Variants in ITPR2 observed in about 807,000 individuals in gnomAD.
ITPR2 encodes the protein inositol 1,4,5-trisphosphate-gated calcium channel ITPR2.
ITPR2 carries 207 observed loss-of-function variants against 317.1 expected under a neutral mutation model. The observed-to-expected ratio is 0.65, with a 90% CI of 0.58 to 0.73. The LOEUF (loss-of-function observed/expected upper bound fraction) is 0.73, where lower values mean the gene tolerates loss of function less well. Among genes scored for constraint, ITPR2 ranks in the 30% least tolerant of loss-of-function variants. The pLI is 0.00. For missense variants in ITPR2, 2,613 were observed against 3,284.0 expected, an observed-to-expected ratio of 0.80 and a Z score of 4.99; for synonymous variants, 1,156 against 1,149.1, an observed-to-expected ratio of 1.01 and a Z score of -0.12.
chr12:26,831,033 T>C lies in ITPR2; in HGVS notation c.92+1657A>G, dbSNP rs1951092644. Among the ~76,000 whole-genome samples the C allele has an allele frequency of 6.6e-6, 1 of 152,198 alleles. No homozygotes were observed. Among genetic ancestry groups the C allele is most frequent in the African/African-American group, 2.4e-5 (1 of 41,446 alleles). On this transcript the variant is annotated intron_variant, in intron 1 of 56. Coordinates refer to ENST00000381340, the MANE Select transcript of ITPR2 (RefSeq NM_002223.4). This position sits in a 1 kb window ranked among gnomAD's most constrained non-coding sequence, Gnocchi z 4.9. ...GCCAGAATTCAAACCCCAAGTATTC[T>C]GTCCATGGAACCCCCTCTGCTTAAC...
At chr12:26,395,404 C>T (rs753720195) in intron 54 of ITPR2, among the ~76,000 whole-genome samples, 7 of 151,988 alleles carry the variant, frequency 4.6e-5, no homozygotes, top group African/African-American at 1.7e-4. Context: ...GAATTCTGAC[C>T]GAGAAGGGAA....
intron 43 of ITPR2, among the ~76,000 whole-genome samples, chr12:26,480,572 T>C (rs1565550555): frequency 6.6e-6 from 1 of 152,192 alleles, no homozygotes; most frequent in Admixed American, 6.5e-5. Flanking sequence ...CCGGGCACGA[T>C]GGCTCACACT....
chr12:26,810,239 T>A (rs945342018), intron 1 of ITPR2, among the ~76,000 whole-genome samples: 4 of 152,238 alleles, frequency 2.6e-5, no homozygotes, highest in African/African-American at 9.6e-5. Flanking sequence ...AGTTTTCTTA[T>A]AAAGTAATTT....
At chr12:26,411,195 T>A (rs1193557838) in intron 52 of ITPR2, 125 bp downstream of exon 52, 2 of 643,722 alleles carry the variant, frequency 3.1e-6, no homozygotes, top group African/African-American at 1.8e-5. Context: ...GTTCTTTTAC[T>A]CTCTATTCTT....
At chr12:26,613,770 G>A (rs963226162) in intron 26 of ITPR2, among the ~76,000 whole-genome samples, 4 of 152,088 alleles carry the variant, frequency 2.6e-5, no homozygotes, top group South Asian at 4.2e-4. Flanking sequence ...GCAAAAGAGG[G>A]GAAAAAATTC....
intron 21 of ITPR2, among the ~76,000 whole-genome samples, chr12:26,633,791 C>T (rs907150768): frequency 5.3e-5 from 8 of 152,316 alleles, no homozygotes; most frequent in East Asian, 1.9e-4. Context: ...AGTATGTATA[C>T]GTGTTTGCCT....
At chr12:26,518,722 T>A (rs76836091) in intron 37 of ITPR2, among the ~76,000 whole-genome samples, 2 of 152,214 alleles carry the variant, frequency 1.3e-5, no homozygotes, top group East Asian at 3.9e-4. Flanking sequence ...ACAGAACTAA[T>A]TTTTAAATTT....
intron 2 of ITPR2, among the ~76,000 whole-genome samples, chr12:26,728,333 G>A (rs1948968862): frequency 6.6e-6 from 1 of 152,168 alleles, no homozygotes; most frequent in African/African-American, 2.4e-5. Flanking sequence ...AGGGGTAAGT[G>A]AAAATAGCCA....
At chr12:26,476,305 G>C (rs1942415681) in intron 44 of ITPR2, among the ~76,000 whole-genome samples, 1 of 152,138 alleles carries the variant, frequency 6.6e-6, no homozygotes, top group South Asian at 2.1e-4. Context: ...TATTATGTGA[G>C]TACATTCTCA....
intron 9 of ITPR2, among the ~76,000 whole-genome samples, chr12:26,702,410 G>T (rs1193165457): frequency 8.0e-6 from 1 of 125,214 alleles, no homozygotes; most frequent in South Asian, 2.8e-4. Context: ...GGCGGGGGTG[G>T]GGGGTTGGTG....
intron 39 of ITPR2, among the ~76,000 whole-genome samples, chr12:26,491,927 C>T (rs911534736): frequency 6.6e-6 from 1 of 152,168 alleles, no homozygotes; most frequent in East Asian, 1.9e-4. Flanking sequence ...TGGAAGACAG[C>T]TGGATACATA....
At chr12:26,396,622 A>G (rs888078225) in intron 54 of ITPR2, among the ~76,000 whole-genome samples, 7 of 151,930 alleles carry the variant, frequency 4.6e-5, no homozygotes, top group African/African-American at 1.7e-4. Flanking sequence ...TCACTCGGAC[A>G]CCCTCCTCCA....
intron 10 of ITPR2, among the ~76,000 whole-genome samples, chr12:26,688,152 C>T (rs768479317): frequency 2.0e-5 from 3 of 152,092 alleles, no homozygotes; most frequent in South Asian, 4.2e-4. Flanking sequence ...CCTCCCACCT[C>T]GGCCTCCTGG....
intron 45 of ITPR2, among the ~76,000 whole-genome samples, chr12:26,446,314 C>T (rs1157300504): frequency 1.3e-5 from 2 of 151,948 alleles, no homozygotes; most frequent in African/African-American, 2.4e-5. Context: ...TGGGTATACG[C>T]ATGGAGTAGA....
chr12:26,449,838 T>G (rs907563264), intron 45 of ITPR2, among the ~76,000 whole-genome samples: 1 of 152,150 alleles, frequency 6.6e-6, no homozygotes, highest in African/African-American at 2.4e-5. Context: ...GTGGGCTGAA[T>G]TGTGTCCAAA....
chr12:26,781,722 T>C (rs1950080254), intron 2 of ITPR2, among the ~76,000 whole-genome samples: 1 of 151,940 alleles, frequency 6.6e-6, no homozygotes, highest in Non-Finnish European at 1.5e-5. Context: ...GTGAGGGTGT[T>C]GCCAAAGGAG....
At chr12:26,730,730 T>G (rs1203638174) in intron 2 of ITPR2, among the ~76,000 whole-genome samples, 1 of 152,208 alleles carries the variant, frequency 6.6e-6, no homozygotes, top group East Asian at 1.9e-4. Flanking sequence ...GGAAGGAAAT[T>G]AAGCCACTCA....
At position 26,688,320 on chromosome 12, in the gene ITPR2, G is replaced by A. The variant is rs79926606; in HGVS notation, c.997-1688C>T. On this transcript the variant is annotated intron_variant, in intron 10 of 56. Transcript: ENST00000381340. ...CCTCCCAAAGGCTGGGATTACAGGCGTGGGCCACTGCACCTGGCTGATATT... is the reference window on the plus strand; with the variant it reads ...CCTCCCAAAGGCTGGGATTACAGGCATGGGCCACTGCACCTGGCTGATATT... Among the ~76,000 whole-genome samples, 1,458 of 152,190 alleles carry A rather than the reference G, an allele frequency of 9.6e-3. 26 individuals carry two copies. Among genetic ancestry groups the A allele is most frequent in the African/African-American group, 0.033 (1,363 of 41,518 alleles).
intron 28 of ITPR2, 107 bp downstream of exon 28, chr12:26,602,263 A>C: frequency 8.0e-7 from 1 of 1,251,626 alleles, no homozygotes; most frequent in Non-Finnish European, 1.1e-6. Context: ...CTGGTGGGTG[A>C]TTTATTCTAA....
Sources: allele counts gnomAD v4.1 joint callset (sites outside exome capture counted in the v4.1 genomes callset), GRCh38; gene constraint gnomAD v4.1.1; non-coding constraint Gnocchi (gnomAD v3.1); transcripts MANE v1.5; gene names NCBI Gene and HGNC (gene_info 2026-07-23, HGNC 2026-07-21).